SEC22C: variants seen among roughly 807,000 people sequenced by gnomAD.
SEC22C encodes the protein SEC22 homolog C, vesicle trafficking protein.
In SEC22C, 29 loss-of-function variants were observed where a neutral mutation model predicts 34.7. The observed-to-expected ratio is 0.84, with a 90% CI of 0.62 to 1.14. The LOEUF (loss-of-function observed/expected upper bound fraction) is 1.14. Ranked by LOEUF, SEC22C falls within the 50% of genes most tolerant of loss-of-function variation. The pLI is 0.00. For synonymous variants in SEC22C, 117 were observed against 132.8 expected (o/e 0.88, Z 0.82); for missense variants, 337 against 369.0 (o/e 0.91, Z 0.71).
intron 4 of SEC22C, among the ~76,000 whole-genome samples, chr3:42,560,118 C>CTATA (rs1166049263): frequency 3.3e-5 from 3 of 90,614 alleles, no homozygotes; most frequent in African/African-American, 1.4e-4. Flanking sequence ...CTCTCTCTCT[C>CTATA]TCTATATATA....
rs758652789 is a variant in SEC22C at position 42,561,227 on chromosome 3, T to C, written c.416A>G (p.Glu139Gly). ...CAACTTGAGCTCCTCCTGAATTTTT[T>C]CCAAGCTGCACTCCATCTGAGAGGA... ...VSSSQMECSL[E>G]KIQEELKLQP... is the part of the protein sequence containing the mutation. Residue 139 changes from glutamate (E) to glycine (G), a missense_variant, in exon 4 of 7, where the codon GAA becomes GGA. Physicochemically the swap from Glu to Gly is moderately conservative, Grantham distance 98 (BLOSUM62 -2). Coordinates refer to ENST00000264454, the MANE Select transcript of SEC22C (RefSeq NM_032970.4). 6.2e-7 allele frequency: 1 copy of C among 1,614,178 alleles called. No homozygotes were observed. The highest frequency in any genetic ancestry group is 8.5e-7 in the Non-Finnish European group (1 of 1,180,018).
Position 42,569,002 on chromosome 3 carries a change from T to C in SEC22C, c.45A>G (p.Gly15=), listed in dbSNP as rs1323988523. ...AATCAGTAGAGGCTGAGAGGGGCAGTCCATCCCTTACCCGTACCACGCAGG... is the reference window on the plus strand; with the variant it reads ...AATCAGTAGAGGCTGAGAGGGGCAGCCCATCCCTTACCCGTACCACGCAGG... The part of the protein sequence containing the change: ...FFACVVRVRD[G]LPLSASTDFY... The change falls in exon 2 of 7, where the codon GGA becomes GGG. Residue 15 remains glycine (G), a synonymous_variant. Transcript: ENST00000264454. 3 of 1,614,092 alleles carry C rather than the reference T, an allele frequency of 1.9e-6. No homozygotes were observed. In the Admixed American group the frequency reaches 5.0e-5, roughly 27 times the overall value.
chr3:42,561,207 T>G lies in SEC22C; in HGVS notation c.436A>C (p.Lys146Gln). Residue 146 changes from lysine (K) to glutamine (Q), a missense_variant, in exon 4 of 7, where the codon AAG (lysine) becomes CAG (glutamine). Coordinates refer to ENST00000264454, the MANE Select transcript of SEC22C (RefSeq NM_032970.4). ...GTGAGAACCGCTGGAGGCTGCAACT[T>G]GAGCTCCTCCTGAATTTTTTCCAAG... The part of the protein sequence containing the change: ...CSLEKIQEEL[K>Q]LQPPAVLTLE... 6.2e-7 allele frequency: 1 copy of G among 1,614,176 alleles called. No homozygotes were observed. Among genetic ancestry groups the G allele is most frequent in the Non-Finnish European group, 8.5e-7 (1 of 1,180,018 alleles).
In SEC22C at chr3:42,550,226, T is replaced by G; in HGVS notation, c.*3022A>C. The G allele has an allele frequency of 1.0e-6, 1 of 985,480 alleles. No individual in the cohort carries two copies. The highest frequency in any genetic ancestry group is 1.2e-6 in the Non-Finnish European group (1 of 829,954). The allele number at this position is 985,480 out of a possible 1,614,324, so 61.0% of individuals were successfully genotyped here. A position where few individuals can be genotyped will look rare whatever the true frequency, so the allele number is the denominator to read the frequency against. ...GCAGCATCTGATACCAGAAGGCACC[T>G]CTAAAGTTTTGTTTTCAACATTATT... On this transcript the variant is annotated 3_prime_UTR_variant, in exon 7 of 7. Coordinates refer to ENST00000264454, the MANE Select transcript of SEC22C (RefSeq NM_032970.4).
chr3:42,596,011 GGTTTT>G (rs538642403), intron 1 of SEC22C, among the ~76,000 whole-genome samples: 157 of 151,710 alleles, frequency 1.0e-3, no homozygotes, highest in African/African-American at 2.8e-3. Flanking sequence ...TCTTTTTTTT[GGTTTT>G]GTTTTGTTTT....
At chr3:42,566,895 G>A in intron 2 of SEC22C, 1 of 281,778 alleles carries the variant, frequency 3.5e-6, no homozygotes, top group East Asian at 1.0e-4. Flanking sequence ...CTACTTGGGA[G>A]GCTATCTATC....
In SEC22C at chr3:42,550,020, C is replaced by T; in HGVS notation, c.*3228G>A. 1.0e-6 allele frequency: 1 copy of T among 985,452 alleles called. No homozygotes were observed. The highest frequency in any genetic ancestry group is 6.1e-5 in the Admixed American group (1 of 16,274). The allele number at this position is 985,452 out of a possible 1,614,324, so 61.0% of individuals were successfully genotyped here. On this transcript the variant is annotated 3_prime_UTR_variant, in exon 7 of 7. Transcript: ENST00000264454. Reference sequence around the variant, plus strand: ...GGAAAGCCAGGTACACTTCTCATCACAGTAAGACTAGCCTAACAGGGGAAA... The same window carrying T: ...GGAAAGCCAGGTACACTTCTCATCATAGTAAGACTAGCCTAACAGGGGAAA...
intron 1 of SEC22C, among the ~76,000 whole-genome samples, chr3:42,593,892 C>T (rs597498): frequency 0.45 from 68,792 of 151,774 alleles, 18,326 homozygotes; most frequent in African/African-American, 0.74. Flanking sequence ...GTGGAAAAGC[C>T]CCCTAGTAGG....
chr3:42,578,316 A>G (rs1704096953), intron 1 of SEC22C, among the ~76,000 whole-genome samples: 1 of 152,242 alleles, frequency 6.6e-6, no homozygotes, highest in African/African-American at 2.4e-5. Context: ...AGCCCGTATC[A>G]AAAGGTTATA....
chr3:42,551,983 T>A lies in SEC22C; in HGVS notation c.*1265A>T. On this transcript the variant is annotated 3_prime_UTR_variant, in exon 7 of 7. Transcript: ENST00000264454. ...GGTTGAACTATTCAGATTCCAGACT[T>A]CTACCAAGAACAATCCAAAGAGCAA... 1 of 985,362 alleles carries A rather than the reference T, an allele frequency of 1.0e-6. No homozygotes were observed. Among genetic ancestry groups the A allele is most frequent in the South Asian group, 4.7e-5 (1 of 21,282 alleles). 61.0% of individuals were successfully genotyped at this position (985,362 alleles called of 1,614,324 possible). A position where few individuals can be genotyped will look rare whatever the true frequency, so the allele number is the denominator to read the frequency against.
chr3:42,570,197 C>T (rs1312943994), intron 1 of SEC22C, among the ~76,000 whole-genome samples: 1 of 152,190 alleles, frequency 6.6e-6, no homozygotes, highest in Non-Finnish European at 1.5e-5. Flanking sequence ...CACTACTCTT[C>T]ATCTCTGTAC....
intron 3 of SEC22C, among the ~76,000 whole-genome samples, chr3:42,562,497 G>A (rs536129758): frequency 6.6e-6 from 1 of 152,298 alleles, no homozygotes; most frequent in South Asian, 2.1e-4. Flanking sequence ...CCAAAAGAGG[G>A]TGCTAGCCCC....
chr3:42,565,659 AG>A (rs1703191215), intron 2 of SEC22C: 1 of 297,254 alleles, frequency 3.4e-6, no homozygotes, highest in African/African-American at 2.3e-5. Context: ...CAGAGCCTGC[AG>A]TAACGCATCT....
At chr3:42,591,584 C>A in intron 1 of SEC22C, 1 of 1,613,584 alleles carries the variant, frequency 6.2e-7, no homozygotes, top group Non-Finnish European at 8.5e-7. Flanking sequence ...ACAAGGGCCG[C>A]GGGAACGAGT....
intron 1 of SEC22C, chr3:42,591,449 TC>T (rs1704836896): frequency 1.8e-6 from 2 of 1,089,668 alleles, no homozygotes; most frequent in Non-Finnish European, 2.8e-6. Context: ...TAGATCGGCC[TC>T]CCAAAGGGCC....
chr3:42,582,766 G>A (rs1360561455), upstream of SEC22C, among the ~76,000 whole-genome samples: 1 of 152,206 alleles, frequency 6.6e-6, no homozygotes, highest in East Asian at 1.9e-4. Flanking sequence ...CTAGGCAAAG[G>A]GGAGAGGAAG....
At chr3:42,591,771 G>A (rs1265033876) in intron 1 of SEC22C, among the ~76,000 whole-genome samples, 1 of 152,184 alleles carries the variant, frequency 6.6e-6, no homozygotes, top group Non-Finnish European at 1.5e-5. Flanking sequence ...ACCATACAAC[G>A]AGTACACTGC....
intron 5 of SEC22C, among the ~76,000 whole-genome samples, chr3:42,557,173 G>A (rs975163459): frequency 6.6e-6 from 1 of 152,202 alleles, no homozygotes; most frequent in Non-Finnish European, 1.5e-5. Context: ...CAAGGAAGGT[G>A]GCATCTGCAT....
intron 4 of SEC22C, among the ~76,000 whole-genome samples, chr3:42,559,730 A>G (rs774723905): frequency 5.3e-5 from 8 of 152,224 alleles, no homozygotes; most frequent in Non-Finnish European, 1.2e-4. Flanking sequence ...CCATTATAGA[A>G]TTCTTCGAAT....
Sources: gnomAD v4.1 joint callset for allele counts (sites outside exome capture counted in the v4.1 genomes callset) on GRCh38, gnomAD v4.1.1 for gene constraint, MANE v1.5 for transcripts, NCBI Gene and HGNC (gene_info 2026-07-23, HGNC 2026-07-21) for gene names.